The following LGR5 variants were observed in gnomAD, a reference collection of about 807,000 sequenced individuals.
LGR5 encodes the protein leucine rich repeat containing G protein-coupled receptor 5.
LGR5 carries 54 observed loss-of-function variants against 76.7 expected under a neutral mutation model. The observed-to-expected ratio is 0.70, with a 90% CI of 0.57 to 0.88. The LOEUF (loss-of-function observed/expected upper bound fraction) is 0.88. Ranked by LOEUF, LGR5 falls within the 40% of genes least tolerant of loss-of-function variation. The pLI, the probability that LGR5 is intolerant of heterozygous loss-of-function variation, is 0.00. For synonymous variants in LGR5, 406 were observed against 421.9 expected (o/e 0.96, Z 0.46); for missense variants, 1,078 against 1,073.3 (o/e 1.00, Z -0.06).
chr12:71,479,567 G>C (rs1323674598), intron 1 of LGR5, among the ~76,000 whole-genome samples: 1 of 152,168 alleles, frequency 6.6e-6, no homozygotes, highest in African/African-American at 2.4e-5. Flanking sequence ...GAGGGAGGCA[G>C]GGAGAGGCAG....
rs574074739 is a variant in LGR5 at position 71,575,858 on chromosome 12, A to G, written c.1209-2067A>G. 8.5e-5 allele frequency among the ~76,000 whole-genome samples: 13 copies of G among 152,276 alleles called. No homozygotes were observed. In the South Asian group the frequency reaches 2.7e-3, roughly 32 times the overall value. ...CAACCCAAATGCCCACCAATGATAG[A>G]CTGGATAAAGAAAATGTGGTATATA... On this transcript the variant is annotated intron_variant, in intron 13 of 17. Coordinates refer to ENST00000266674, the MANE Select transcript of LGR5 (RefSeq NM_003667.4).
chr12:71,561,815 G>C lies in LGR5; in HGVS notation c.820G>C (p.Glu274Gln). 1.2e-6 allele frequency: 2 copies of C among 1,606,930 alleles called. No homozygotes were observed. Among genetic ancestry groups the C allele is most frequent in the Non-Finnish European group, 1.7e-6 (2 of 1,175,388 alleles). ...FHSNNIRSIP[E>Q]KAFVGNPSLI... ...TAGCAACAATATCAGGTCGATACCT[G>C]AGAAAGCATTTGTAGGCAACCCTTC... is the stretch of plus-strand genomic sequence containing the variant. Residue 274 changes from glutamate to glutamine, a missense_variant, in exon 8 of 18, where the codon GAG (glutamate) becomes CAG (glutamine). By Grantham distance (29) the Glu-to-Gln change is conservative. Transcript: ENST00000266674.
In LGR5 at chr12:71,556,653, A is replaced by C. The variant is rs779363680; in HGVS notation, c.679A>C (p.Lys227Gln). The change falls in exon 6 of 18, where the codon AAG becomes CAG. Residue 227 changes from lysine to glutamine, a missense_variant. Physicochemically the swap from Lys to Gln is moderately conservative, Grantham distance 53. Transcript: ENST00000266674. ...LHNNRIHSLG[K>Q]KCFDGLHSLE... ...TAACAATAGAATCCACTCCCTGGGAAAGAAATGCTTTGATGGGCTCCACAG... is the reference window on the plus strand; with the variant it reads ...TAACAATAGAATCCACTCCCTGGGACAGAAATGCTTTGATGGGCTCCACAG... 6.2e-7 allele frequency: 1 copy of C among 1,612,820 alleles called. No homozygotes were observed. Among genetic ancestry groups the C allele is most frequent in the East Asian group, 2.2e-5 (1 of 44,848 alleles).
At chr12:71,560,080 G>A (rs1232589218) in intron 7 of LGR5, among the ~76,000 whole-genome samples, 1 of 152,162 alleles carries the variant, frequency 6.6e-6, no homozygotes, top group East Asian at 1.9e-4. Flanking sequence ...GCCTAGTAAA[G>A]TATGAGATGC....
intron 4 of LGR5, among the ~76,000 whole-genome samples, chr12:71,547,121 T>C (rs1171426968): frequency 6.6e-6 from 1 of 152,194 alleles, no homozygotes; most frequent in Non-Finnish European, 1.5e-5. Context: ...TCATCAGTTG[T>C]AGCCCTCTAA....
chr12:71,486,877 T>C (rs1279536764), intron 1 of LGR5, among the ~76,000 whole-genome samples: 1 of 152,118 alleles, frequency 6.6e-6, no homozygotes, highest in African/African-American at 2.4e-5. Flanking sequence ...GAAAACGCCT[T>C]TGTATGCTCA....
intron 1 of LGR5, among the ~76,000 whole-genome samples, chr12:71,486,706 G>A (rs1873842928): frequency 6.6e-6 from 1 of 151,994 alleles, no homozygotes; most frequent in Non-Finnish European, 1.5e-5. Flanking sequence ...GTGCCACTGA[G>A]GTCAAATTAT....
chr12:71,450,557 C>T (rs1272543920), intron 1 of LGR5, among the ~76,000 whole-genome samples: 1 of 152,182 alleles, frequency 6.6e-6, no homozygotes, highest in African/African-American at 2.4e-5. Context: ...TAATTATCCA[C>T]CTCAGCCTTC....
At chr12:71,513,091 T>C (rs1033853601) in intron 2 of LGR5, among the ~76,000 whole-genome samples, 11 of 152,304 alleles carry the variant, frequency 7.2e-5, no homozygotes, top group African/African-American at 2.6e-4. Flanking sequence ...GATTGGGGCC[T>C]TGGGGATCTG....
At chr12:71,442,453 A>G (rs1871809631) in intron 1 of LGR5, among the ~76,000 whole-genome samples, 1 of 152,198 alleles carries the variant, frequency 6.6e-6, no homozygotes, top group Admixed American at 6.5e-5. Flanking sequence ...CCCTGGCCTA[A>G]GAAGACATTT....
At chr12:71,570,831 A>C (rs561387829) in intron 11 of LGR5, among the ~76,000 whole-genome samples, 1 of 152,182 alleles carries the variant, frequency 6.6e-6, no homozygotes, top group Non-Finnish European at 1.5e-5. Context: ...CAGGCATGAA[A>C]ATGTGTTAGT....
chr12:71,463,208 C>T (rs1347538688), intron 1 of LGR5, among the ~76,000 whole-genome samples: 1 of 152,082 alleles, frequency 6.6e-6, no homozygotes, highest in Non-Finnish European at 1.5e-5. Context: ...TTCCTGGGTA[C>T]CACCTCCAGA....
At chr12:71,496,937 G>A (rs142033843) in intron 1 of LGR5, among the ~76,000 whole-genome samples, 1 of 152,268 alleles carries the variant, frequency 6.6e-6, no homozygotes, top group African/African-American at 2.4e-5. Context: ...GCAATGAATG[G>A]AAGGGAACAT....
intron 17 of LGR5, chr12:71,583,321 GA>G: frequency 4.0e-6 from 1 of 248,154 alleles, no homozygotes; most frequent in Non-Finnish European, 7.7e-6. Flanking sequence ...CTTATATAAT[GA>G]AAAGTCCAGG....
At chr12:71,495,816 T>C (rs1307792574) in intron 1 of LGR5, among the ~76,000 whole-genome samples, 2 of 151,016 alleles carry the variant, frequency 1.3e-5, no homozygotes, top group African/African-American at 4.9e-5. Flanking sequence ...TATTAGAAAA[T>C]GAGAGTAATA....
chr12:71,456,436 A>T (rs1187964025), intron 1 of LGR5, among the ~76,000 whole-genome samples: 2 of 152,166 alleles, frequency 1.3e-5, no homozygotes, highest in Non-Finnish European at 2.9e-5. Context: ...TCAGTCTCAA[A>T]AGAGAACCAA....
intron 1 of LGR5, among the ~76,000 whole-genome samples, chr12:71,465,063 A>T (rs539372110): frequency 1.5e-4 from 23 of 152,248 alleles, no homozygotes; most frequent in Non-Finnish European, 3.1e-4. Flanking sequence ...CCGACCAGTT[A>T]TTGGAGGCAG....
intron 17 of LGR5, 98 bp downstream of exon 17, chr12:71,582,637 C>A: frequency 1.1e-6 from 1 of 881,326 alleles, no homozygotes; most frequent in Non-Finnish European, 1.9e-6. Flanking sequence ...CGAATCTGTG[C>A]CAACTTTGCA....
intron 1 of LGR5, among the ~76,000 whole-genome samples, chr12:71,454,976 CAAAA>C (rs1872407536): frequency 6.6e-6 from 1 of 151,846 alleles, no homozygotes; most frequent in Non-Finnish European, 1.5e-5. Context: ...AAAAAGCAAA[CAAAA>C]AACAAAACCA....
Sources: gnomAD v4.1 joint callset for allele counts (sites outside exome capture counted in the v4.1 genomes callset) on GRCh38, gnomAD v4.1.1 for gene constraint, MANE v1.5 for transcripts, NCBI Gene and HGNC (gene_info 2026-07-23, HGNC 2026-07-21) for gene names.